SCAF8: variants seen among roughly 807,000 people sequenced by gnomAD.
SCAF8 encodes the protein SR-related and CTD-associated factor 8.
SCAF8 carries 23 observed loss-of-function variants against 140.5 expected under a neutral mutation model. That is an observed-to-expected ratio of 0.16 (90% CI 0.12 to 0.23). The LOEUF (loss-of-function observed/expected upper bound fraction) is 0.23. Among genes scored for constraint, SCAF8 ranks in the 10% least tolerant of loss-of-function variants. The pLI is 1.00. For missense variants in SCAF8, 1,397 were observed against 1,555.7 expected (o/e 0.90, Z 1.72); for synonymous variants, 575 against 528.9 (o/e 1.09, Z -1.20).
intron 3 of SCAF8, among the ~76,000 whole-genome samples, chr6:154,778,813 A>T (rs1304164515): frequency 1.5e-5 from 2 of 133,754 alleles, no homozygotes; most frequent in Non-Finnish European, 3.3e-5. Flanking sequence ...GTGTGTGTAG[A>T]TAAAACATAC....
Position 154,822,344 on chromosome 6 carries a change from G to C in SCAF8, c.1861G>C (p.Val621Leu), listed in dbSNP as rs777680067. ...CCAGACAACTCAGAGCCCAACTCCA[G>C]TTGAAAAGGAGACAGTGGTCACAAC... Reference protein sequence around the residue: ...TVQTTQSPTPVEKETVVTTQA... With the variant: ...TVQTTQSPTPLEKETVVTTQA... The change falls in exon 16 of 20, where the codon GTT (valine) becomes CTT (leucine). Residue 621 changes from valine (V) to leucine (L), a missense_variant. This residue lies in a region of SCAF8 where 930 missense variants were observed against 874.6 expected (regional missense o/e 1.06). Coordinates refer to ENST00000367178, the MANE Select transcript of SCAF8 (RefSeq NM_014892.5). 1.9e-6 allele frequency: 3 copies of C among 1,613,792 alleles called. No homozygotes were observed. The South Asian group carries it at 3.3e-5, about 18-fold the overall frequency.
At chr6:154,740,235 C>G (rs1419514679) in intron 1 of SCAF8, among the ~76,000 whole-genome samples, 1 of 152,182 alleles carries the variant, frequency 6.6e-6, no homozygotes, top group Non-Finnish European at 1.5e-5. Context: ...ATATTTTGGG[C>G]TGGATACTTG....
chr6:154,827,803 C>T (rs539535006), intron 18 of SCAF8, among the ~76,000 whole-genome samples: 129 of 149,660 alleles, frequency 8.6e-4, no homozygotes, highest in African/African-American at 3.1e-3. Context: ...GCCTTTTTGT[C>T]CTCCTGCCCC....
intron 10 of SCAF8, 118 bp from the exon 11 acceptor site, chr6:154,808,568 C>A: frequency 1.5e-6 from 1 of 646,772 alleles, no homozygotes; most frequent in Non-Finnish European, 2.7e-6. Context: ...AAAGATTGGA[C>A]ACCCCTGTAT....
intron 1 of SCAF8, among the ~76,000 whole-genome samples, chr6:154,769,062 C>CAAAAAAAAAAAAAAAA (rs56383173): frequency 1.0e-5 from 1 of 96,786 alleles, no homozygotes; most frequent in African/African-American, 4.0e-5. Flanking sequence ...GACACTGTCT[C>CAAAAAAAAAAAAAAAA]AAAAAAAAAA....
intron 8 of SCAF8, among the ~76,000 whole-genome samples, chr6:154,804,852 CTTAT>C (rs1485229683): frequency 1.3e-5 from 2 of 152,034 alleles, no homozygotes; most frequent in Non-Finnish European, 2.9e-5. Flanking sequence ...ATTATTTTTT[CTTAT>C]TTAAACAGTA....
chr6:154,831,969 C>A lies in SCAF8; in HGVS notation c.2390C>A (p.Ala797Glu). 2 of 1,602,704 alleles carry A rather than the reference C, an allele frequency of 1.2e-6. No individual in the cohort carries two copies. Among genetic ancestry groups the A allele is most frequent in the South Asian group, 2.3e-5 (2 of 88,590 alleles). ...VIPNDISSNA[A>E]ILGGQPPNVT... ...CCAAATGATATTTCAAGTAATGCTG[C>A]AATTTTAGGAGGACAGCCGCCAAAT... is the stretch of plus-strand genomic sequence containing the variant. The change falls in exon 20 of 20, where the codon GCA becomes GAA. Residue 797 changes from alanine to glutamate, a missense_variant. By Grantham distance (107) the Ala-to-Glu change is moderately radical. Around this residue, in one of 5 missense-constraint regions of SCAF8, gnomAD observed 930 missense variants for 874.6 expected, o/e 1.06. Transcript: ENST00000367178.
At chr6:154,831,214 C>T (rs1295987953) in intron 19 of SCAF8, 74 bp downstream of exon 19, 12 of 846,504 alleles carry the variant, frequency 1.4e-5, no homozygotes, top group Admixed American at 5.7e-5. Context: ...GGGTGGCATG[C>T]GTTTGTAACC....
chr6:154,738,436 C>T (rs1210142329), intron 1 of SCAF8, among the ~76,000 whole-genome samples: 1 of 152,192 alleles, frequency 6.6e-6, no homozygotes, highest in Non-Finnish European at 1.5e-5. Context: ...TTTCTTCTCA[C>T]GAGTTAAATG....
Position 154,802,074 on chromosome 6 carries a change from C to T in SCAF8, c.710C>T (p.Thr237Met), listed in dbSNP as rs147186513. ...CTTGTTGTTCAGTTGCAAGCTCTTA[C>T]GGCACAACTTACAGCTGCAGCTGCA... ...AGLVVQLQAL[T>M]AQLTAAAAAA... The change falls in exon 7 of 20, where the codon ACG becomes ATG. Residue 237 changes from threonine to methionine, a missense_variant. Transcript: ENST00000367178. The T allele has an allele frequency of 4.8e-5, 78 of 1,613,144 alleles. No homozygotes were observed. Among genetic ancestry groups the T allele is most frequent in the East Asian group, 2.5e-4 (11 of 44,820 alleles).
intron 13 of SCAF8, among the ~76,000 whole-genome samples, chr6:154,817,464 C>A (rs1014890544): frequency 4.6e-5 from 7 of 152,002 alleles, no homozygotes; most frequent in African/African-American, 9.7e-5. Context: ...ATTCATAATC[C>A]ACTCATTTAA....
chr6:154,770,388 A>ACACTCT (rs1384942827), intron 1 of SCAF8, among the ~76,000 whole-genome samples: 31 of 141,918 alleles, frequency 2.2e-4, no homozygotes, highest in Non-Finnish European at 3.4e-4. Context: ...ACACACACAC[A>ACACTCT]CTCTCTCTCT....
rs1478345127 is a variant in SCAF8, at chr6:154,824,301, TTCC to T, written c.2002_2004del (p.Pro668del). 2 of 1,614,056 alleles carry T rather than the reference TTCC, an allele frequency of 1.2e-6. No individual in the cohort carries two copies. The highest frequency in any genetic ancestry group is 2.2e-5 in the East Asian group (1 of 44,880). Reference sequence around the variant, plus strand: ...CCAGCATTTCCTGTGTCGATGCCGGTTCCTCCTCCTGGATTCAGTCCAATCCCT... The same window carrying T: ...CCAGCATTTCCTGTGTCGATGCCGGTTCCTCCTGGATTCAGTCCAATCCCT... On this transcript the variant is annotated inframe_deletion, in exon 17 of 20. Transcript: ENST00000367178.
chr6:154,779,800 T>C (rs1032295460), intron 3 of SCAF8, among the ~76,000 whole-genome samples: 41 of 148,748 alleles, frequency 2.8e-4, no homozygotes, highest in South Asian at 8.7e-4. Context: ...TATATATATA[T>C]ACACTTTTTT....
chr6:154,784,120 G>GATATATATATATATATATATAT (rs72135986), intron 3 of SCAF8, among the ~76,000 whole-genome samples: 20 of 106,870 alleles, frequency 1.9e-4, no homozygotes, highest in East Asian at 3.1e-4. Context: ...GGTGTCTTGA[G>GATATATATATATATATATATAT]ATATATATAT....
chr6:154,814,832 A>G lies in SCAF8; in HGVS notation c.1421-884A>G, dbSNP rs144052520. Reference sequence around the variant, plus strand: ...ATTTGTTAAGGGGATGTGGCTTTCAACAGTTAAGTATCTTTAAGTCTTTCA... The same window carrying G: ...ATTTGTTAAGGGGATGTGGCTTTCAGCAGTTAAGTATCTTTAAGTCTTTCA... On this transcript the variant is annotated intron_variant, in intron 12 of 19. Transcript: ENST00000367178. 1.6e-3 allele frequency among the ~76,000 whole-genome samples: 250 copies of G among 152,332 alleles called. 1 individual carries two copies. Among genetic ancestry groups the G allele is most frequent in the African/African-American group, 5.8e-3 (242 of 41,574 alleles).
chr6:154,811,981 T>C (rs1004383228), intron 12 of SCAF8, among the ~76,000 whole-genome samples: 1 of 152,266 alleles, frequency 6.6e-6, no homozygotes, highest in Admixed American at 6.5e-5. Context: ...CTACTGTGAG[T>C]AGTGCCGCAG....
In SCAF8 at chr6:154,798,392, T is replaced by C. The variant is rs536045507; in HGVS notation, c.606+3253T>C. Among the ~76,000 whole-genome samples the C allele has an allele frequency of 3.4e-4, 52 of 151,402 alleles. 2 individuals are homozygous for C. In the South Asian group the frequency reaches 0.011, roughly 31 times the overall value. On this transcript the variant is annotated intron_variant, in intron 6 of 19. Transcript: ENST00000367178. ...GACAGAGACAATTGAGAGTAAACAG[T>C]GAATTCTGAGTCTTTCAAACAAAAC...
Position 154,827,153 on chromosome 6 carries a change from G to GT in SCAF8, c.2072-19_2072-18insT. ...TAATTTTTCTTGTGCTATTTTTTGG[G>GT]GTTTTTTTTTCTGTCTAGGTTTCAT... On this transcript the variant is annotated intron_variant, in intron 17 of 19. Coordinates refer to ENST00000367178, the MANE Select transcript of SCAF8 (RefSeq NM_014892.5). 6.3e-7 allele frequency: 1 copy of GT among 1,583,396 alleles called. No homozygotes were observed. The highest frequency in any genetic ancestry group is 1.2e-5 in the South Asian group (1 of 84,092).
Sources: allele counts gnomAD v4.1 joint callset (sites outside exome capture counted in the v4.1 genomes callset), GRCh38; gene constraint gnomAD v4.1.1; regional missense constraint gnomAD v4.1.1; transcripts MANE v1.5; gene names NCBI Gene and HGNC (gene_info 2026-07-23, HGNC 2026-07-21).